CSMD1: variants seen among roughly 807,000 people sequenced by gnomAD.
CSMD1 encodes CUB and Sushi multiple domains 1.
CSMD1 carries 213 observed loss-of-function variants against 417.5 expected under a neutral mutation model. The observed-to-expected ratio is 0.51, with a 90% CI of 0.46 to 0.57. The LOEUF (loss-of-function observed/expected upper bound fraction) is 0.57. Ranked by LOEUF, CSMD1 falls within the 20% of genes least tolerant of loss-of-function variation. The pLI, the probability that CSMD1 is intolerant of heterozygous loss-of-function variation, is 0.00. For synonymous variants in CSMD1, 2,862 were observed against 1,736.8 expected (o/e 1.65, Z -16.11); for missense variants, 6,923 against 4,529.7 (o/e 1.53, Z -15.17).
intron 1 of CSMD1, among the ~76,000 whole-genome samples, chr8:4,707,733 A>G (rs1808031951): frequency 6.6e-6 from 1 of 151,868 alleles, no homozygotes; most frequent in South Asian, 2.1e-4. Context: ...CTAAAAATAC[A>G]AAAATTAGCC....
chr8:4,300,068 G>A (rs1177812515), intron 3 of CSMD1, among the ~76,000 whole-genome samples: 1 of 152,206 alleles, frequency 6.6e-6, no homozygotes, highest in Non-Finnish European at 1.5e-5. Context: ...ATACATGTCA[G>A]AACATCTGGA....
At chr8:4,874,556 A>G (rs1802929802) in intron 1 of CSMD1, among the ~76,000 whole-genome samples, 1 of 151,512 alleles carries the variant, frequency 6.6e-6, no homozygotes, top group African/African-American at 2.4e-5. Context: ...CTCCCGGCTA[A>G]TTTTTGTATT....
intron 3 of CSMD1, among the ~76,000 whole-genome samples, chr8:4,109,217 G>C (rs1223338528): frequency 2.6e-5 from 4 of 152,040 alleles, no homozygotes; most frequent in African/African-American, 4.8e-5. Flanking sequence ...AATATTTTCG[G>C]TATAGACACA....
chr8:3,321,341 C>T (rs541251324), intron 23 of CSMD1, among the ~76,000 whole-genome samples: 1 of 152,090 alleles, frequency 6.6e-6, no homozygotes, highest in African/African-American at 2.4e-5. Context: ...TGCTTTGTGC[C>T]GTAGTATTGT....
intron 7 of CSMD1, among the ~76,000 whole-genome samples, chr8:3,646,501 A>G (rs1797578328): frequency 6.6e-6 from 1 of 152,202 alleles, no homozygotes; most frequent in Admixed American, 6.5e-5. Flanking sequence ...ATGTAAATAA[A>G]AATCTGGCGG....
intron 7 of CSMD1, among the ~76,000 whole-genome samples, chr8:3,634,705 T>G (rs1796947808): frequency 7.2e-6 from 1 of 139,042 alleles, no homozygotes; most frequent in Non-Finnish European, 1.5e-5. Flanking sequence ...TGATTAGAAC[T>G]GTGCTGCCTA....
chr8:3,178,332 G>A (rs17391019), intron 37 of CSMD1, among the ~76,000 whole-genome samples: 14,394 of 151,888 alleles, frequency 0.095, 937 homozygotes, highest in Non-Finnish European at 0.13. Flanking sequence ...ATGTAGATAA[G>A]CCTTAATGGC....
At chr8:3,346,609 G>T (rs1360158448) in intron 22 of CSMD1, among the ~76,000 whole-genome samples, 2 of 152,174 alleles carry the variant, frequency 1.3e-5, no homozygotes, top group East Asian at 3.9e-4. Flanking sequence ...GCGGCCTTAG[G>T]AGGAAGTAAG....
rs189431166 is a variant in CSMD1 at position 4,176,669 on chromosome 8, T to C, written c.416-144570A>G. 5.7e-3 allele frequency among the ~76,000 whole-genome samples: 859 copies of C among 151,704 alleles called. 24 individuals carry two copies. The highest frequency in any genetic ancestry group is 0.046 in the Admixed American group (705 of 15,198). On this transcript the variant is annotated intron_variant, in intron 3 of 69. Transcript: ENST00000635120. ...AAAGAGTCAAGACCCATCAGTGTGC[T>C]GTATTCAGGAAAGCCATCTCACGTG...
chr8:3,590,320 G>C (rs1416990497), intron 8 of CSMD1, among the ~76,000 whole-genome samples: 1 of 152,018 alleles, frequency 6.6e-6, no homozygotes, highest in Non-Finnish European at 1.5e-5. Context: ...TAATTTAAAA[G>C]TTAAAATAAA....
chr8:2,967,224 G>A (rs1179595788), intron 57 of CSMD1, among the ~76,000 whole-genome samples: 1 of 152,170 alleles, frequency 6.6e-6, no homozygotes, highest in Non-Finnish European at 1.5e-5. Context: ...ATCTCCAGGA[G>A]AATTCACTTT....
At chr8:4,894,237 G>A (rs1395493827) in intron 1 of CSMD1, among the ~76,000 whole-genome samples, 1 of 151,964 alleles carries the variant, frequency 6.6e-6, no homozygotes, top group Non-Finnish European at 1.5e-5. Context: ...AGAATTTGAA[G>A]AATAAGCTTT....
rs528114375 is a variant in CSMD1 at position 3,733,915 on chromosome 8, T to C, written c.931+20015A>G. Among the ~76,000 whole-genome samples the C allele has an allele frequency of 5.4e-4, 82 of 152,064 alleles. 1 individual carries two copies. Among genetic ancestry groups the C allele is most frequent in the Non-Finnish European group, 9.3e-4 (63 of 67,996 alleles). On this transcript the variant is annotated intron_variant, in intron 6 of 69. Coordinates refer to ENST00000635120, the MANE Select transcript of CSMD1 (RefSeq NM_033225.6). ...CGAGAAAAGCATAGTTTATGTAGGG[T>C]TTGGTGTTAGCCACAGTTTCGGCCA...
At chr8:3,708,760 C>G (rs1801324999) in intron 6 of CSMD1, among the ~76,000 whole-genome samples, 1 of 152,196 alleles carries the variant, frequency 6.6e-6, no homozygotes, top group Admixed American at 6.5e-5. Flanking sequence ...ACATCCAATC[C>G]TATTTACCAC....
intron 10 of CSMD1, among the ~76,000 whole-genome samples, chr8:3,521,875 T>C (rs893334469): frequency 2.6e-5 from 4 of 152,190 alleles, no homozygotes; most frequent in Admixed American, 6.5e-5. Context: ...GCGGAACAGT[T>C]TGATGCCAAA....
chr8:4,917,430 C>G (rs976514246), intron 1 of CSMD1, among the ~76,000 whole-genome samples: 1 of 152,076 alleles, frequency 6.6e-6, no homozygotes, highest in Non-Finnish European at 1.5e-5. Context: ...GTCAGGAGAT[C>G]GAGACCACCC....
intron 3 of CSMD1, among the ~76,000 whole-genome samples, chr8:4,125,900 G>A (rs968220350): frequency 6.6e-6 from 1 of 152,056 alleles, no homozygotes; most frequent in East Asian, 1.9e-4. Context: ...TAGGAGACAC[G>A]CAGCCTCTGG....
chr8:4,471,090 G>C (rs1800504902), intron 2 of CSMD1, among the ~76,000 whole-genome samples: 1 of 152,052 alleles, frequency 6.6e-6, no homozygotes, highest in African/African-American at 2.4e-5. Context: ...TGACATATTT[G>C]TTTTGTATTT....
intron 5 of CSMD1, among the ~76,000 whole-genome samples, chr8:3,848,681 G>T (rs961782634): frequency 1.3e-5 from 2 of 152,006 alleles, no homozygotes; most frequent in African/African-American, 4.8e-5. Context: ...ATCCTATTAT[G>T]CTCCTTGCAC....
Sources: allele counts gnomAD v4.1 joint callset (sites outside exome capture counted in the v4.1 genomes callset), GRCh38; gene constraint gnomAD v4.1.1; transcripts MANE v1.5; gene names NCBI Gene and HGNC (gene_info 2026-07-23, HGNC 2026-07-21).